EXOC4: variants seen among roughly 807,000 people sequenced by gnomAD.
The protein encoded by EXOC4 is exocyst complex component 4, also known as SEC8-like 1.
A neutral mutation model predicts 107.2 loss-of-function variants in EXOC4; 71 were observed. The observed-to-expected ratio is 0.66, with a 90% CI of 0.55 to 0.81. The LOEUF is 0.81. EXOC4 is among the 30% of genes least tolerant of loss of function. EXOC4 has a pLI of 0.00. For synonymous variants in EXOC4, 456 were observed against 441.2 expected (o/e 1.03, Z -0.42); for missense variants, 1,108 against 1,189.6 (o/e 0.93, Z 1.01).
rs151254178 is a variant in EXOC4, at chr7:133,821,753, T to C, written c.1734+4209T>C. On this transcript the variant is annotated intron_variant, in intron 11 of 17. Coordinates refer to ENST00000253861, the MANE Select transcript of EXOC4 (RefSeq NM_021807.4). The stretch of plus-strand genomic sequence containing the variant: ...TTTACCCCAGTGCCTAAAGCATTTT[T>C]CAATAGATAGATAGAAAAGTGCAGA... 2.0e-5 allele frequency among the ~76,000 whole-genome samples: 3 copies of C among 152,304 alleles called. No individual in the cohort carries two copies. The East Asian group carries it at 5.8e-4, about 29-fold the overall frequency.
chr7:133,575,133 G>A lies in EXOC4; in HGVS notation c.1418-54912G>A, dbSNP rs182343689. Among the ~76,000 whole-genome samples, 305 of 151,802 alleles carry A rather than the reference G, an allele frequency of 2.0e-3. 2 individuals are homozygous for A. Among genetic ancestry groups the A allele is most frequent in the African/African-American group, 7.1e-3 (292 of 41,392 alleles). Reference sequence around the variant, plus strand: ...AGTCAGAATGTATTCATTTTTTCTCGTCATTTCCTTCTTAGCTTAGAGTTA... The same window carrying A: ...AGTCAGAATGTATTCATTTTTTCTCATCATTTCCTTCTTAGCTTAGAGTTA... On this transcript the variant is annotated intron_variant, in intron 9 of 17. Coordinates refer to ENST00000253861, the MANE Select transcript of EXOC4 (RefSeq NM_021807.4).
intron 9 of EXOC4, among the ~76,000 whole-genome samples, chr7:133,488,404 T>A (rs1333943778): frequency 1.3e-5 from 2 of 152,116 alleles, no homozygotes; most frequent in Non-Finnish European, 2.9e-5. Context: ...GGGGTGAGGA[T>A]TCAACCTCAC....
chr7:133,297,240 T>G (rs1032889241), intron 3 of EXOC4, among the ~76,000 whole-genome samples: 2 of 152,214 alleles, frequency 1.3e-5, no homozygotes, highest in Non-Finnish European at 2.9e-5. Context: ...GTTTAGTAGT[T>G]AAATGAGATG....
At position 133,279,088 on chromosome 7, in the gene EXOC4, C is replaced by T. The variant is rs373738173; in HGVS notation, c.276+3917C>T. On this transcript the variant is annotated intron_variant, in intron 2 of 17. Coordinates refer to ENST00000253861, the MANE Select transcript of EXOC4 (RefSeq NM_021807.4). ...TGTGGTGTTTGGTTTTTTGTCCTTG[C>T]GATAGTTTGCTGAGAATGATGGTTT... Among the ~76,000 whole-genome samples, 193 of 149,408 alleles carry T rather than the reference C, an allele frequency of 1.3e-3. 1 individual carries two copies. The highest frequency in any genetic ancestry group is 0.012 in the East Asian group (60 of 5,078).
chr7:133,273,426 G>A (rs1793919745), intron 1 of EXOC4, among the ~76,000 whole-genome samples: 1 of 152,174 alleles, frequency 6.6e-6, no homozygotes, highest in Non-Finnish European at 1.5e-5. Context: ...CTCATGTAAA[G>A]GCTTTAAATC....
chr7:133,927,082 A>T (rs1436887274), intron 13 of EXOC4, among the ~76,000 whole-genome samples: 1 of 151,974 alleles, frequency 6.6e-6, no homozygotes, highest in African/African-American at 2.4e-5. Flanking sequence ...TCCTCAGTAA[A>T]CGTTGAATGA....
intron 7 of EXOC4, among the ~76,000 whole-genome samples, chr7:133,429,347 T>C (rs759694869): frequency 6.6e-6 from 1 of 152,244 alleles, no homozygotes; most frequent in Non-Finnish European, 1.5e-5. Flanking sequence ...TGTTTCACTA[T>C]GCCGTTTTCT....
At chr7:133,567,880 C>T (rs1009421186) in intron 9 of EXOC4, among the ~76,000 whole-genome samples, 1 of 152,156 alleles carries the variant, frequency 6.6e-6, no homozygotes, top group Non-Finnish European at 1.5e-5. Context: ...AGGACTCTGC[C>T]TCTTGAAGGT....
At chr7:133,881,283 C>A (rs1357112590) in intron 11 of EXOC4, among the ~76,000 whole-genome samples, 7 of 150,602 alleles carry the variant, frequency 4.6e-5, no homozygotes, top group Middle Eastern at 3.4e-3. Flanking sequence ...CCCACTCCCC[C>A]ACATACCCCC....
At chr7:133,723,793 T>C (rs1206645900) in intron 10 of EXOC4, among the ~76,000 whole-genome samples, 1 of 151,948 alleles carries the variant, frequency 6.6e-6, no homozygotes, top group Non-Finnish European at 1.5e-5. Context: ...GCCCAACTTA[T>C]TTATTTTTTT....
At chr7:133,706,868 C>G (rs983998398) in intron 10 of EXOC4, among the ~76,000 whole-genome samples, 2 of 152,114 alleles carry the variant, frequency 1.3e-5, no homozygotes, top group Non-Finnish European at 2.9e-5. Flanking sequence ...AGATCCCACC[C>G]TTATGACCCC....
intron 10 of EXOC4, among the ~76,000 whole-genome samples, chr7:133,759,457 G>A (rs561297093): frequency 6.6e-6 from 1 of 152,300 alleles, no homozygotes; most frequent in East Asian, 1.9e-4. Context: ...CAGATCTACA[G>A]TGGCTTTCCA....
chr7:133,911,760 G>A (rs151128474), intron 12 of EXOC4, among the ~76,000 whole-genome samples: 1 of 152,332 alleles, frequency 6.6e-6, no homozygotes, highest in Non-Finnish European at 1.5e-5. Context: ...CCTGAGGGCA[G>A]ATATGGGCCA....
chr7:133,633,446 C>T (rs923442386), intron 10 of EXOC4, among the ~76,000 whole-genome samples: 3 of 152,038 alleles, frequency 2.0e-5, no homozygotes, highest in African/African-American at 7.2e-5. Flanking sequence ...TGGCTGGGCA[C>T]GGTGGCTCAC....
At chr7:133,741,651 C>T (rs540101413) in intron 10 of EXOC4, among the ~76,000 whole-genome samples, 12 of 152,148 alleles carry the variant, frequency 7.9e-5, no homozygotes, top group African/African-American at 1.9e-4. Flanking sequence ...GTGCACAGTA[C>T]GGTATTACTT....
At chr7:133,872,778 C>A (rs1798776293) in intron 11 of EXOC4, among the ~76,000 whole-genome samples, 1 of 152,166 alleles carries the variant, frequency 6.6e-6, no homozygotes, top group African/African-American at 2.4e-5. Context: ...TCCTAAGTAA[C>A]CCACAGTAAG....
chr7:133,698,490 G>A (rs979237982), intron 10 of EXOC4, among the ~76,000 whole-genome samples: 2 of 151,484 alleles, frequency 1.3e-5, no homozygotes, highest in African/African-American at 4.9e-5. Context: ...GCTGAGGTGG[G>A]AGATGCACCT....
intron 17 of EXOC4, among the ~76,000 whole-genome samples, chr7:134,050,182 A>G (rs541052294): frequency 2.8e-4 from 42 of 152,382 alleles, no homozygotes; most frequent in African/African-American, 9.9e-4. Flanking sequence ...AACTAGTAAT[A>G]GTAATTGTCT....
chr7:133,687,751 A>G (rs1182506321), intron 10 of EXOC4, among the ~76,000 whole-genome samples: 1 of 152,154 alleles, frequency 6.6e-6, no homozygotes. Context: ...TAACATTAAT[A>G]CAAGTGCTAA....
Sources: gnomAD v4.1 joint callset for allele counts (sites outside exome capture counted in the v4.1 genomes callset) on GRCh38, gnomAD v4.1.1 for gene constraint, MANE v1.5 for transcripts, NCBI Gene and HGNC (gene_info 2026-07-23, HGNC 2026-07-21) for gene names.